Variants in PLEKHA2 observed in about 807,000 individuals in gnomAD.
PLEKHA2 encodes the protein pleckstrin homology domain containing A2.
Under a neutral mutation model 53.2 loss-of-function variants are expected in PLEKHA2, and 28 were observed. That is an observed-to-expected ratio of 0.53 (90% confidence interval 0.39 to 0.72). PLEKHA2 has a LOEUF of 0.72. Among genes scored for constraint, PLEKHA2 ranks in the 30% least tolerant of loss-of-function variants. PLEKHA2 has a pLI of 0.00. For synonymous variants in PLEKHA2, 193 were observed against 196.4 expected, an observed-to-expected ratio of 0.98 and a Z score of 0.14; for missense variants, 426 against 537.9, an observed-to-expected ratio of 0.79 and a Z score of 2.06.
intron 10 of PLEKHA2, among the ~76,000 whole-genome samples, chr8:38,965,970 C>T (rs191640981): frequency 1.3e-5 from 2 of 152,272 alleles, no homozygotes; most frequent in African/African-American, 4.8e-5. Flanking sequence ...TCTTGGAGTC[C>T]TTATCCTGGT....
chr8:38,926,863 T>C (rs964156689), intron 2 of PLEKHA2, among the ~76,000 whole-genome samples: 20 of 152,114 alleles, frequency 1.3e-4, no homozygotes, highest in Non-Finnish European at 2.2e-4. Context: ...TGCAGTGAGC[T>C]GAGATCACGC....
chr8:38,956,747 AAAAT>A (rs1419393562), intron 9 of PLEKHA2, among the ~76,000 whole-genome samples: 9 of 152,158 alleles, frequency 5.9e-5, no homozygotes, highest in Admixed American at 2.0e-4. Flanking sequence ...CTGTCTCAAA[AAAAT>A]AAATAAATAA....
chr8:38,941,023 G>A (rs1276011565), intron 3 of PLEKHA2, among the ~76,000 whole-genome samples: 1 of 150,882 alleles, frequency 6.6e-6, no homozygotes, highest in Non-Finnish European at 1.5e-5. Flanking sequence ...ACGCACAAAA[G>A]GATTCTTGTG....
At chr8:38,914,342 G>A (rs368715803) in intron 1 of PLEKHA2, among the ~76,000 whole-genome samples, 12 of 152,362 alleles carry the variant, frequency 7.9e-5, no homozygotes, top group African/African-American at 2.9e-4. Context: ...TGTGGGGATG[G>A]GAGAGAACAT....
intron 1 of PLEKHA2, among the ~76,000 whole-genome samples, chr8:38,911,540 G>A (rs989392300): frequency 2.6e-5 from 4 of 152,074 alleles, no homozygotes; most frequent in African/African-American, 9.7e-5. Flanking sequence ...CCAGGCCCCA[G>A]CATGAACGCT....
chr8:38,961,529 T>G (rs1835042307), intron 10 of PLEKHA2, among the ~76,000 whole-genome samples: 1 of 151,992 alleles, frequency 6.6e-6, no homozygotes, highest in Non-Finnish European at 1.5e-5. Flanking sequence ...AGAGTGAGAC[T>G]CTGTCTCAAA....
In PLEKHA2 at chr8:38,970,577, A is replaced by AC. The variant is rs1416611482; in HGVS notation, c.*796dup. 1.2e-5 allele frequency: 2 copies of AC among 169,358 alleles called. No individual in the cohort carries two copies. The highest frequency in any genetic ancestry group is 3.8e-4 in the East Asian group (2 of 5,312). The allele number at this position is 169,358 out of a possible 1,614,324, so 10.5% of individuals were successfully genotyped here. A position where few individuals can be genotyped will look rare whatever the true frequency, so the allele number is the denominator to read the frequency against. ...TTTGGGAGGCTGAGGCGGGTGGATC[A>AC]CCTGAGGTCAGGAGTTCGAGATCAG... On this transcript the variant is annotated 3_prime_UTR_variant, in exon 12 of 12. Coordinates refer to ENST00000617275, the MANE Select transcript of PLEKHA2 (RefSeq NM_021623.2).
chr8:38,924,586 G>A (rs530246533), intron 2 of PLEKHA2, among the ~76,000 whole-genome samples: 9 of 152,284 alleles, frequency 5.9e-5, no homozygotes, highest in Admixed American at 1.3e-4. Context: ...TGCCTGCACC[G>A]GGCAGTCACT....
chr8:38,915,674 G>A (rs1302810709), intron 1 of PLEKHA2, among the ~76,000 whole-genome samples: 3 of 152,178 alleles, frequency 2.0e-5, no homozygotes, highest in African/African-American at 2.4e-5. Flanking sequence ...AATTCACCCC[G>A]TAACAATGAC....
rs143185361 is a variant in PLEKHA2 at position 38,948,221 on chromosome 8, C to CT, written c.345+2001dup. ...AAATATCAACTAAAAATCAACATCC[C>CT]TAAAAATGTGGTTACATAATAACAG... On this transcript the variant is annotated intron_variant, in intron 5 of 11. Transcript: ENST00000617275. 2.3e-3 allele frequency among the ~76,000 whole-genome samples: 355 copies of CT among 152,142 alleles called. 2 individuals are homozygous for CT. Among genetic ancestry groups the CT allele is most frequent in the African/African-American group, 8.2e-3 (342 of 41,492 alleles).
In PLEKHA2 at chr8:38,953,232, G is replaced by T. The variant is rs938644255; in HGVS notation, c.703-65G>T. The T allele has an allele frequency of 2.3e-6, 3 of 1,318,352 alleles. No individual in the cohort carries two copies. In the African/African-American group the frequency reaches 4.4e-5, roughly 19 times the overall value. The allele number at this position is 1,318,352 out of a possible 1,614,324, so 81.7% of individuals were successfully genotyped here. A position where few individuals can be genotyped will look rare whatever the true frequency, so the allele number is the denominator to read the frequency against. On this transcript the variant is annotated intron_variant, in intron 8 of 11. Coordinates refer to ENST00000617275, the MANE Select transcript of PLEKHA2 (RefSeq NM_021623.2). ...ATCTCTGAGAAAGGGGTATTGGTCAGCTGGTCTGGGTCGTGATATGACACA... is the reference window on the plus strand; with the variant it reads ...ATCTCTGAGAAAGGGGTATTGGTCATCTGGTCTGGGTCGTGATATGACACA...
rs565014600 is a variant in PLEKHA2, at chr8:38,968,852, G to A, written c.915+183G>A. On this transcript the variant is annotated intron_variant, in intron 11 of 11. Coordinates refer to ENST00000617275, the MANE Select transcript of PLEKHA2 (RefSeq NM_021623.2). ...TACACATTTTTATTTTTCTCTGTTT[G>A]GTTGTGGGAGGAGGTGAGGTAGGGT... 110 of 568,020 alleles carry A rather than the reference G, an allele frequency of 1.9e-4. 1 individual carries two copies. Among genetic ancestry groups the A allele is most frequent in the Admixed American group, 9.7e-4 (30 of 30,898 alleles). 35.2% of individuals were successfully genotyped at this position (568,020 alleles called of 1,614,324 possible).
chr8:38,949,084 T>C (rs1834774158), intron 5 of PLEKHA2, among the ~76,000 whole-genome samples: 1 of 152,140 alleles, frequency 6.6e-6, no homozygotes. Flanking sequence ...TTGGTCAGGC[T>C]AGTCTCGAAC....
intron 10 of PLEKHA2, among the ~76,000 whole-genome samples, chr8:38,961,693 G>T (rs1490985777): frequency 1.3e-5 from 2 of 152,148 alleles, no homozygotes; most frequent in Non-Finnish European, 2.9e-5. Flanking sequence ...CAGTAAATCT[G>T]CCAGAAAGAA....
intron 9 of PLEKHA2, among the ~76,000 whole-genome samples, chr8:38,956,310 C>T (rs747389162): frequency 2.3e-4 from 35 of 152,220 alleles, no homozygotes; most frequent in Non-Finnish European, 4.7e-4. Context: ...GCAGTGTCCC[C>T]TAAAGGAGTG....
At position 38,971,455 on chromosome 8, in the gene PLEKHA2, A is replaced by T. The variant is rs1361994880; in HGVS notation, c.*1672A>T. The stretch of plus-strand genomic sequence containing the variant: ...CCATTCCAAATTCTTATAGCTCCTT[A>T]GCTCTGGTTTTACTCTCGTATTTTC... On this transcript the variant is annotated 3_prime_UTR_variant, in exon 12 of 12. Transcript: ENST00000617275. 1 of 152,330 alleles carries T rather than the reference A, an allele frequency of 6.6e-6. No homozygotes were observed. Among genetic ancestry groups the T allele is most frequent in the African/African-American group, 2.4e-5 (1 of 41,444 alleles). 9.4% of individuals were successfully genotyped at this position (152,330 alleles called of 1,614,324 possible).
At chr8:38,955,657 T>C (rs1252651174) in intron 9 of PLEKHA2, among the ~76,000 whole-genome samples, 1 of 152,250 alleles carries the variant, frequency 6.6e-6, no homozygotes, top group African/African-American at 2.4e-5. Context: ...TCTGGTCTCA[T>C]GCACTCCTTT....
At chr8:38,930,297 G>A (rs941188769) in intron 2 of PLEKHA2, among the ~76,000 whole-genome samples, 1 of 152,154 alleles carries the variant, frequency 6.6e-6, no homozygotes, top group Non-Finnish European at 1.5e-5. Flanking sequence ...CGCCTCCTGG[G>A]TTCAAGCAAT....
chr8:38,919,553 TC>T (rs772700872), intron 2 of PLEKHA2, among the ~76,000 whole-genome samples: 17 of 152,156 alleles, frequency 1.1e-4, no homozygotes, highest in Non-Finnish European at 2.1e-4. Context: ...AAGAGGAAAT[TC>T]TGAATGTCCC....
Sources: gnomAD v4.1 joint callset for allele counts (sites outside exome capture counted in the v4.1 genomes callset) on GRCh38, gnomAD v4.1.1 for gene constraint, MANE v1.5 for transcripts, NCBI Gene and HGNC (gene_info 2026-07-23, HGNC 2026-07-21) for gene names.